Variants in TNC observed in about 807,000 individuals in gnomAD.
TNC encodes the protein tenascin C, also known as tenascin.
TNC carries 109 observed loss-of-function variants against 202.4 expected under a neutral mutation model. The observed-to-expected ratio is 0.54, with a 90% CI of 0.46 to 0.63. TNC has a LOEUF of 0.63. Among genes scored for constraint, TNC ranks in the 30% least tolerant of loss-of-function variants. The pLI, the probability that TNC is intolerant of heterozygous loss-of-function variation, is 0.00. For missense variants in TNC, 2,756 were observed against 2,833.3 expected (o/e 0.97, Z 0.62); for synonymous variants, 1,007 against 1,089.7 (o/e 0.92, Z 1.50).
Position 115,086,326 on chromosome 9 carries a change from T to C in TNC, c.1405A>G (p.Ser469Gly), listed in dbSNP as rs1834727088. ...GFKGYDCSDM[S>G]CPNDCHQHGR... ...TGCTGGTGACAGTCATTAGGGCAGC[T>C]CATGTCACTGCAGTCATAGCCCTTG... is the stretch of plus-strand genomic sequence containing the variant. Residue 469 changes from serine (S) to glycine (G), a missense_variant, in exon 3 of 28, where the codon AGC becomes GGC. Physicochemically the swap from Ser to Gly is moderately conservative, Grantham distance 56. Around this residue, in one of 2 missense-constraint regions of TNC, gnomAD observed 2,559 missense variants for 2,546.0 expected, o/e 1.01. Transcript: ENST00000350763. 1 of 1,614,080 alleles carries C rather than the reference T, an allele frequency of 6.2e-7. No individual in the cohort carries two copies. Among genetic ancestry groups the C allele is most frequent in the Non-Finnish European group, 8.5e-7 (1 of 1,180,010 alleles).
intron 15 of TNC, 60 bp downstream of exon 15, chr9:115,057,092 CT>C (rs1180024371): frequency 6.5e-7 from 1 of 1,543,260 alleles, no homozygotes; most frequent in African/African-American, 1.4e-5. Flanking sequence ...GAAGGAGAGG[CT>C]TCACCCTGCA....
chr9:115,043,605 G>A (rs1329081639), intron 17 of TNC, among the ~76,000 whole-genome samples: 5 of 152,154 alleles, frequency 3.3e-5, no homozygotes, highest in Admixed American at 1.3e-4. Context: ...ACAGCATCTG[G>A]CATGCAGTGA....
intron 1 of TNC, among the ~76,000 whole-genome samples, chr9:115,101,921 A>G (rs1836267458): frequency 6.6e-6 from 1 of 152,218 alleles, no homozygotes; most frequent in Non-Finnish European, 1.5e-5. Context: ...AATAATAATA[A>G]TCAGGAAGTT....
At chr9:115,117,709 T>C (rs1837570024) in intron 1 of TNC, among the ~76,000 whole-genome samples, 1 of 152,204 alleles carries the variant, frequency 6.6e-6, no homozygotes, top group South Asian at 2.1e-4. Context: ...AGAAAATTTT[T>C]ACTTTTCCTC....
intron 1 of TNC, among the ~76,000 whole-genome samples, chr9:115,092,490 T>C (rs1370264182): frequency 2.6e-5 from 4 of 152,358 alleles, no homozygotes; most frequent in Non-Finnish European, 4.4e-5. Context: ...GAATGATCTA[T>C]ACACGATATG....
At chr9:115,109,238 TGAC>T (rs1454122972) in intron 1 of TNC, among the ~76,000 whole-genome samples, 2 of 152,224 alleles carry the variant, frequency 1.3e-5, no homozygotes, top group Non-Finnish European at 2.9e-5. Context: ...AACAAAACAA[TGAC>T]AACAACAAAA....
At chr9:115,074,969 C>A (rs555904034) in intron 9 of TNC, among the ~76,000 whole-genome samples, 2 of 152,212 alleles carry the variant, frequency 1.3e-5, no homozygotes, top group African/African-American at 4.8e-5. Flanking sequence ...TATGCTTTCT[C>A]ACAATTGCAT....
chr9:115,049,503 G>GAT (rs1442894338), intron 15 of TNC, among the ~76,000 whole-genome samples: 1 of 152,098 alleles, frequency 6.6e-6, no homozygotes, highest in African/African-American at 2.4e-5. Flanking sequence ...CCTAAGCTGA[G>GAT]ATACAATCAG....
rs756277657 is a variant in TNC, at chr9:115,046,522, G to A, written c.5013C>T (p.Pro1671=). Residue 1671 remains proline, a synonymous_variant, in exon 17 of 28, where the codon CCC becomes CCT. Coordinates refer to ENST00000350763, the MANE Select transcript of TNC (RefSeq NM_002160.4). ...GACCTGTTATGTCCCTGGTACGTTC[G>A]GGGGCAAGTAGGGTTATTTCCAGTG... ...SEPLEITLLA[P]ERTRDITGLR... 1.9e-6 allele frequency: 3 copies of A among 1,613,952 alleles called. No homozygotes were observed. The highest frequency in any genetic ancestry group is 2.5e-6 in the Non-Finnish European group (3 of 1,179,928).
intron 3 of TNC, among the ~76,000 whole-genome samples, chr9:115,085,386 C>T (rs543262777): frequency 7.2e-5 from 11 of 152,296 alleles, no homozygotes; most frequent in South Asian, 6.2e-4. Context: ...AATCTCACTG[C>T]GTATTCAATT....
chr9:115,074,978 A>G (rs945996269), intron 9 of TNC, among the ~76,000 whole-genome samples: 4 of 152,118 alleles, frequency 2.6e-5, no homozygotes, highest in Non-Finnish European at 4.4e-5. Flanking sequence ...TCACAATTGC[A>G]TGTGAATCTA....
chr9:115,095,506 A>G (rs1349415187), intron 1 of TNC, among the ~76,000 whole-genome samples: 2 of 8,228 alleles, frequency 2.4e-4, no homozygotes, highest in African/African-American at 5.5e-4. Flanking sequence ...ATATATGTAT[A>G]TATATATGTA....
Position 115,087,129 on chromosome 9 carries a change from A to G in TNC, c.602T>C (p.Ile201Thr), listed in dbSNP as rs1564123929. 2.5e-6 allele frequency: 4 copies of G among 1,614,096 alleles called. No homozygotes were observed. Among genetic ancestry groups the G allele is most frequent in the East Asian group, 2.2e-5 (1 of 44,888 alleles). Residue 201 changes from isoleucine to threonine, a missense_variant, in exon 3 of 28, where the codon ATT becomes ACT. Coordinates refer to ENST00000350763, the MANE Select transcript of TNC (RefSeq NM_002160.4). ...PGNCHLRGRC[I>T]DGQCICDDGF... ...GTCGTCACAGATGCACTGCCCATCA[A>G]TGCACCGGCCTCGAAGGTGACAGTT...
At chr9:115,100,911 TA>T (rs1836183216) in intron 1 of TNC, among the ~76,000 whole-genome samples, 1 of 152,202 alleles carries the variant, frequency 6.6e-6, no homozygotes, top group South Asian at 2.1e-4. Flanking sequence ...AAAAAACCTT[TA>T]AAAATGCATA....
At chr9:115,026,210 C>A (rs976068224) in intron 26 of TNC, among the ~76,000 whole-genome samples, 1 of 152,052 alleles carries the variant, frequency 6.6e-6, no homozygotes, top group Non-Finnish European at 1.5e-5. Flanking sequence ...AATATTAAGG[C>A]CTTTGGGGAA....
intron 13 of TNC, 63 bp downstream of exon 13, chr9:115,062,854 T>G (rs1832652303): frequency 1.3e-6 from 2 of 1,550,990 alleles, no homozygotes; most frequent in South Asian, 2.4e-5. Context: ...CGGGTGAATT[T>G]TCTCTATTTC....
At chr9:115,042,490 G>T in intron 17 of TNC, 149 bp from the exon 18 acceptor site, 1 of 1,121,496 alleles carries the variant, frequency 8.9e-7, no homozygotes, top group Non-Finnish European at 1.2e-6. Context: ...GGTGATCTGT[G>T]GTTAAGTTGT....
At chr9:115,100,376 A>G (rs1413374220) in intron 1 of TNC, among the ~76,000 whole-genome samples, 1 of 152,222 alleles carries the variant, frequency 6.6e-6, no homozygotes, top group Non-Finnish European at 1.5e-5. Flanking sequence ...AGCCCCACTT[A>G]AGAATCATTC....
intron 1 of TNC, among the ~76,000 whole-genome samples, chr9:115,101,702 C>A (rs762287569): frequency 5.3e-5 from 8 of 152,028 alleles, no homozygotes; most frequent in Non-Finnish European, 7.4e-5. Context: ...GGAAAATAGG[C>A]CAAGTAAGGA....
Sources: gnomAD v4.1 joint callset for allele counts (sites outside exome capture counted in the v4.1 genomes callset) on GRCh38, gnomAD v4.1.1 for gene constraint, gnomAD v4.1.1 regional missense constraint, MANE v1.5 for transcripts, NCBI Gene and HGNC (gene_info 2026-07-23, HGNC 2026-07-21) for gene names.